The following ME2 variants were observed in gnomAD, a reference collection of about 807,000 sequenced individuals.
The protein encoded by ME2 is malic enzyme 2.
Under a neutral mutation model 73.7 loss-of-function variants are expected in ME2, and 60 were observed. That is an observed-to-expected ratio of 0.81 (90% CI 0.66 to 1.01). ME2 has a LOEUF of 1.01. ME2 is among the 50% of genes least tolerant of loss of function. The probability of loss-of-function intolerance (pLI) is 0.00; values close to 1 mark genes in which losing one functional copy is unlikely to be tolerated. For synonymous variants in ME2, 199 were observed against 236.9 expected (o/e 0.84, Z 1.47); for missense variants, 594 against 705.5 (o/e 0.84, Z 1.79).
intron 1 of ME2, among the ~76,000 whole-genome samples, chr18:50,882,579 T>C (rs949291269): frequency 6.6e-6 from 1 of 152,204 alleles, no homozygotes; most frequent in Non-Finnish European, 1.5e-5. Context: ...AAAACTGTTA[T>C]GTGTGGGGGA....
chr18:50,943,057 G>T (rs891714547), intron 15 of ME2, among the ~76,000 whole-genome samples: 1 of 151,890 alleles, frequency 6.6e-6, no homozygotes, highest in Non-Finnish European at 1.5e-5. Flanking sequence ...ACAGCCTCCC[G>T]AGTAGCTAGA....
intron 4 of ME2, 82 bp downstream of exon 4, chr18:50,913,032 T>G (rs1322669953): frequency 7.2e-6 from 9 of 1,251,948 alleles, no homozygotes; most frequent in Admixed American, 2.8e-5. Context: ...ACATTTCTAT[T>G]TTATGTTTGT....
In ME2 at chr18:50,947,027, A is replaced by T; in HGVS notation, c.1598A>T (p.Tyr533Phe). The T allele has an allele frequency of 6.2e-7, 1 of 1,612,204 alleles. No homozygotes were observed. The highest frequency in any genetic ancestry group is 1.3e-5 in the African/African-American group (1 of 74,998). Residue 533 changes from tyrosine (Y) to phenylalanine (F), a missense_variant, in exon 16 of 16, where the codon TAC (tyrosine) becomes TTC (phenylalanine). Tyr to Phe is a conservative substitution (Grantham distance 22). Coordinates refer to ENST00000321341, the MANE Select transcript of ME2 (RefSeq NM_002396.5). Reference sequence around the variant, plus strand: ...TTACTTATTTTTCAGGTTACAGAATACCTATATGCTAATAAAATGGCTTTC... The same window carrying T: ...TTACTTATTTTTCAGGTTACAGAATTCCTATATGCTAATAAAATGGCTTTC... ...SINIAIKVTEYLYANKMAFRY... is the reference protein window; with the variant it reads ...SINIAIKVTEFLYANKMAFRY...
intron 1 of ME2, among the ~76,000 whole-genome samples, chr18:50,895,078 T>A (rs1916704982): frequency 6.6e-6 from 1 of 152,088 alleles, no homozygotes; most frequent in Non-Finnish European, 1.5e-5. Context: ...TGATTTGTAA[T>A]GTTTAAAGAA....
At chr18:50,946,941 C>T in intron 15 of ME2, 76 bp from the exon 16 acceptor site, 4 of 1,015,232 alleles carry the variant, frequency 3.9e-6, no homozygotes, top group Non-Finnish European at 5.9e-6. Flanking sequence ...ACTTATTTTC[C>T]TGTGTTATAA....
At position 50,924,253 on chromosome 18, in the gene ME2, T is replaced by C. The variant is rs377647898; in HGVS notation, c.1171+41T>C. On this transcript the variant is annotated intron_variant, in intron 11 of 15. Transcript: ENST00000321341. ...CTGATAAATAATTTTACTCCCTAACTGTATGTTGCCAGTCATCATTACCAT... is the reference window on the plus strand; with the variant it reads ...CTGATAAATAATTTTACTCCCTAACCGTATGTTGCCAGTCATCATTACCAT... The C allele has an allele frequency of 1.8e-5, 24 of 1,324,282 alleles. No individual in the cohort carries two copies. In the African/African-American group the frequency reaches 3.2e-4, roughly 18 times the overall value. 82.0% of individuals were successfully genotyped at this position (1,324,282 alleles called of 1,614,324 possible).
intron 10 of ME2, among the ~76,000 whole-genome samples, chr18:50,922,879 C>A (rs1217438546): frequency 2.0e-5 from 3 of 152,142 alleles, no homozygotes; most frequent in Non-Finnish European, 4.4e-5. Flanking sequence ...TTTACTAACC[C>A]CTGCAGTTTC....
rs1359169262 is a variant in ME2 at position 50,908,603 on chromosome 18, TA to T, written c.242+413del. ...ACCTAATCTAGGATACTTTGGAGAATAAAAAAGAGGTGTACCCAAAGCTACC... is the reference window on the plus strand; with the variant it reads ...ACCTAATCTAGGATACTTTGGAGAATAAAAAGAGGTGTACCCAAAGCTACC... On this transcript the variant is annotated intron_variant, in intron 3 of 15. Transcript: ENST00000321341. Among the ~76,000 whole-genome samples the T allele has an allele frequency of 2.6e-5, 4 of 152,294 alleles. No homozygotes were observed. In the East Asian group the frequency reaches 7.7e-4, roughly 29 times the overall value.
chr18:50,896,105 C>T (rs1916738059), intron 2 of ME2, among the ~76,000 whole-genome samples, 177 bp downstream of exon 2: 2 of 152,110 alleles, frequency 1.3e-5, no homozygotes. Flanking sequence ...CTTTATACCT[C>T]CTCAATTTCA....
intron 12 of ME2, among the ~76,000 whole-genome samples, chr18:50,927,528 G>A (rs1269212716): frequency 1.3e-5 from 2 of 151,282 alleles, no homozygotes; most frequent in African/African-American, 2.4e-5. Context: ...GTGAAACCCC[G>A]TCTCTACTAA....
intron 1 of ME2, among the ~76,000 whole-genome samples, chr18:50,881,739 G>A (rs1321404674): frequency 6.6e-6 from 1 of 152,168 alleles, no homozygotes; most frequent in Non-Finnish European, 1.5e-5. Context: ...GCAGAAACAA[G>A]CAGGCATTTA....
chr18:50,892,993 C>T (rs371820066), intron 1 of ME2, among the ~76,000 whole-genome samples: 16 of 151,808 alleles, frequency 1.1e-4, no homozygotes, highest in African/African-American at 3.6e-4. Context: ...GGTATGGTGG[C>T]GCACACCTGT....
intron 15 of ME2, among the ~76,000 whole-genome samples, chr18:50,946,570 C>T (rs1918088797): frequency 1.3e-5 from 2 of 152,192 alleles, no homozygotes; most frequent in Admixed American, 6.5e-5. Context: ...CTAGCCCTGA[C>T]TTCACCTGAC....
intron 12 of ME2, among the ~76,000 whole-genome samples, chr18:50,927,863 G>A (rs1353570487): frequency 4.3e-5 from 6 of 138,844 alleles, no homozygotes; most frequent in African/African-American, 1.6e-4. Context: ...TGCCCAGGCT[G>A]GAGTGTAGTG....
At chr18:50,905,221 A>G (rs1916991847) in intron 2 of ME2, among the ~76,000 whole-genome samples, 1 of 151,930 alleles carries the variant, frequency 6.6e-6, no homozygotes, top group Non-Finnish European at 1.5e-5. Context: ...TTTTGACCTC[A>G]TGAACCACCC....
chr18:50,902,555 G>T (rs908516686), intron 2 of ME2, among the ~76,000 whole-genome samples: 18 of 152,054 alleles, frequency 1.2e-4, no homozygotes, highest in African/African-American at 4.1e-4. Flanking sequence ...GTGCCACCAC[G>T]CCTGGCTAAT....
intron 10 of ME2, among the ~76,000 whole-genome samples, chr18:50,921,509 A>G (rs1271517237): frequency 6.6e-6 from 1 of 152,214 alleles, no homozygotes; most frequent in Non-Finnish European, 1.5e-5. Flanking sequence ...GTAGGAACTG[A>G]GAACTTCCTA....
chr18:50,937,966 A>G (rs898233689), intron 13 of ME2, among the ~76,000 whole-genome samples: 26 of 152,210 alleles, frequency 1.7e-4, no homozygotes, highest in Non-Finnish European at 3.2e-4. Context: ...ACTGAATGCT[A>G]AACATGATGA....
At position 50,889,283 on chromosome 18, in the gene ME2, G is replaced by C. The variant is rs190731768; in HGVS notation, c.-12-6526G>C. ...TATGGCTGATCACTAGAAAGACCAA[G>C]TGATTAGAGGGTTAGAACTTTCAGC... On this transcript the variant is annotated intron_variant, in intron 1 of 15. Transcript: ENST00000321341. 5.7e-3 allele frequency among the ~76,000 whole-genome samples: 866 copies of C among 152,282 alleles called. 7 individuals carry two copies. Among genetic ancestry groups the C allele is most frequent in the African/African-American group, 0.02 (837 of 41,542 alleles).
Sources: allele counts gnomAD v4.1 joint callset (sites outside exome capture counted in the v4.1 genomes callset), GRCh38; gene constraint gnomAD v4.1.1; transcripts MANE v1.5; gene names NCBI Gene and HGNC (gene_info 2026-07-23, HGNC 2026-07-21).